DENND1A: variants seen among roughly 807,000 people sequenced by gnomAD.
The protein encoded by DENND1A is DENN domain containing 1A.
Under a neutral mutation model 113.7 loss-of-function variants are expected in DENND1A, and 51 were observed. The ratio of observed to expected loss-of-function variants is 0.45; its 90% CI spans 0.36 to 0.57. The LOEUF (loss-of-function observed/expected upper bound fraction) is 0.57. Among genes scored for constraint, DENND1A ranks in the 20% least tolerant of loss-of-function variants. The pLI is 0.00. For missense variants in DENND1A, 1,258 were observed against 1,395.9 expected (o/e 0.90, Z 1.57); for synonymous variants, 565 against 570.8 (o/e 0.99, Z 0.14).
In DENND1A at chr9:123,447,409, C is replaced by T. The variant is rs564572944; in HGVS notation, c.1356+3284G>A. ...ACAGATATCCTGAAAGCTCCGATTT[C>T]AAATGCTTTGAAAATCTGCAGCACA... On this transcript the variant is annotated intron_variant, in intron 18 of 23. Transcript: ENST00000394215. Among the ~76,000 whole-genome samples, 16 of 152,304 alleles carry T rather than the reference C, an allele frequency of 1.1e-4. 2 individuals are homozygous for T. In the South Asian group the frequency reaches 3.3e-3, roughly 32 times the overall value.
chr9:123,390,468 A>G (rs2042781509), intron 21 of DENND1A, among the ~76,000 whole-genome samples: 1 of 152,228 alleles, frequency 6.6e-6, no homozygotes, highest in African/African-American at 2.4e-5. Flanking sequence ...GTTTAAAATG[A>G]TATCAACAAG....
chr9:123,596,283 T>C (rs545047593), intron 11 of DENND1A, among the ~76,000 whole-genome samples: 53 of 152,374 alleles, frequency 3.5e-4, no homozygotes, highest in African/African-American at 1.3e-3. Context: ...TGATGTTTCC[T>C]GTGCGCTATC....
chr9:123,802,796 G>A (rs963956685), intron 2 of DENND1A, among the ~76,000 whole-genome samples: 33 of 150,930 alleles, frequency 2.2e-4, no homozygotes, highest in African/African-American at 5.8e-4. Flanking sequence ...TTCGCCTCCC[G>A]GGTTCAAGCG....
chr9:123,484,309 C>T (rs993617330), intron 13 of DENND1A, among the ~76,000 whole-genome samples: 2 of 152,164 alleles, frequency 1.3e-5, no homozygotes, highest in African/African-American at 4.8e-5. Context: ...GCAGACCTCT[C>T]GATTGGGGCA....
intron 1 of DENND1A, among the ~76,000 whole-genome samples, chr9:123,882,401 C>T (rs1475946563): frequency 6.6e-6 from 1 of 151,822 alleles, no homozygotes; most frequent in African/African-American, 2.4e-5. Context: ...CTCCCTCAAA[C>T]CTGCATCTCC....
intron 2 of DENND1A, among the ~76,000 whole-genome samples, chr9:123,862,075 T>C (rs905036361): frequency 6.6e-6 from 1 of 152,234 alleles, no homozygotes; most frequent in Non-Finnish European, 1.5e-5. Flanking sequence ...TTCCAAGCTC[T>C]AACGTACTAA....
intron 3 of DENND1A, among the ~76,000 whole-genome samples, chr9:123,778,344 C>G (rs762462720): frequency 1.9e-4 from 29 of 152,184 alleles, no homozygotes; most frequent in Non-Finnish European, 3.8e-4. Context: ...TCATACAGTA[C>G]AGAAGTTCTT....
chr9:123,485,854 T>TA (rs150291739), intron 13 of DENND1A, among the ~76,000 whole-genome samples: 8,809 of 152,238 alleles, frequency 0.058, 830 homozygotes, highest in African/African-American at 0.2. Flanking sequence ...ATGCGGAGGC[T>TA]AAACTCTCAT....
At chr9:123,402,045 T>A in intron 21 of DENND1A, 1 of 1,263,384 alleles carries the variant, frequency 7.9e-7, no homozygotes, top group Non-Finnish European at 1.1e-6. Flanking sequence ...ACAAATTTCA[T>A]CCCCTTAAGG....
intron 13 of DENND1A, among the ~76,000 whole-genome samples, chr9:123,531,554 T>TACACAC (rs57819030): frequency 0.043 from 4,433 of 102,976 alleles, 121 homozygotes; most frequent in East Asian, 0.087. Context: ...CCTCTCTCTC[T>TACACAC]ACACACACAC....
At chr9:123,496,494 T>C (rs968762833) in intron 13 of DENND1A, among the ~76,000 whole-genome samples, 4 of 152,256 alleles carry the variant, frequency 2.6e-5, no homozygotes, top group Admixed American at 6.5e-5. Context: ...TATTTACAAC[T>C]AAGCATATAA....
At chr9:123,562,210 TC>T (rs2136145252) in intron 12 of DENND1A, among the ~76,000 whole-genome samples, 1 of 152,266 alleles carries the variant, frequency 6.6e-6, no homozygotes, top group Admixed American at 6.5e-5. Context: ...TCCATCAGCC[TC>T]ACTTCCACCT....
intron 2 of DENND1A, among the ~76,000 whole-genome samples, chr9:123,827,295 T>C (rs1377715882): frequency 6.6e-6 from 1 of 151,726 alleles, no homozygotes; most frequent in East Asian, 1.9e-4. Context: ...CCTAAAGTCC[T>C]AAGTCTGAAA....
chr9:123,901,948 G>C (rs1851705930), intron 1 of DENND1A, among the ~76,000 whole-genome samples: 1 of 152,138 alleles, frequency 6.6e-6, no homozygotes, highest in Non-Finnish European at 1.5e-5. Context: ...AGAGCTTGCA[G>C]TGAGCCCAGA....
At chr9:123,919,883 G>GAAAAAAA (rs56784407) in intron 1 of DENND1A, among the ~76,000 whole-genome samples, 2 of 55,394 alleles carry the variant, frequency 3.6e-5, no homozygotes, top group African/African-American at 1.1e-4. Context: ...CTCTGTCTCA[G>GAAAAAAA]AAAAAAAAAA....
chr9:123,906,330 T>C (rs1852828909), intron 1 of DENND1A, among the ~76,000 whole-genome samples: 1 of 134,120 alleles, frequency 7.5e-6, no homozygotes, highest in Admixed American at 6.8e-5. Flanking sequence ...ATTCAAAAGA[T>C]AGAAGAAGGC....
intron 2 of DENND1A, among the ~76,000 whole-genome samples, chr9:123,796,248 G>A (rs1833742163): frequency 6.6e-6 from 1 of 152,154 alleles, no homozygotes; most frequent in Non-Finnish European, 1.5e-5. Context: ...TGTCCCCACA[G>A]AAAAGTGTGT....
intron 13 of DENND1A, among the ~76,000 whole-genome samples, chr9:123,473,929 C>T (rs967938514): frequency 6.6e-5 from 10 of 151,574 alleles, no homozygotes; most frequent in African/African-American, 2.2e-4. Flanking sequence ...GGTTTGCACT[C>T]AGCCTCTCCA....
At position 123,858,234 on chromosome 9, in the gene DENND1A, T is replaced by C. The variant is rs542919052; in HGVS notation, c.88+20717A>G. Among the ~76,000 whole-genome samples, 10 of 152,332 alleles carry C rather than the reference T, an allele frequency of 6.6e-5. 1 individual carries two copies. In the South Asian group the frequency reaches 2.1e-3, roughly 32 times the overall value. On this transcript the variant is annotated intron_variant, in intron 2 of 23. Transcript: ENST00000394215. ...ATTTCCTCACTTTGATACCACATTG[T>C]GGTTGTGCAGGAGAATCACCTTGTT...
Sources: allele counts gnomAD v4.1 joint callset (sites outside exome capture counted in the v4.1 genomes callset), GRCh38; gene constraint gnomAD v4.1.1; transcripts MANE v1.5; gene names NCBI Gene and HGNC (gene_info 2026-07-23, HGNC 2026-07-21).